ZNF536: variants seen among roughly 807,000 people sequenced by gnomAD.
ZNF536 encodes the protein zinc finger protein 536.
A neutral mutation model predicts 84.5 loss-of-function variants in ZNF536; 13 were observed. That is an observed-to-expected ratio of 0.15 (90% CI 0.10 to 0.24). The LOEUF is 0.24. Among genes scored for constraint, ZNF536 ranks in the 10% least tolerant of loss-of-function variants. ZNF536 has a pLI of 1.00. For missense variants in ZNF536, 1,536 were observed against 1,747.5 expected (o/e 0.88, Z 2.16); for synonymous variants, 811 against 742.5 (o/e 1.09, Z -1.50).
chr19:30,343,083 C>T (rs745693650), intron 2 of ZNF536, among the ~76,000 whole-genome samples: 12 of 152,076 alleles, frequency 7.9e-5, no homozygotes, highest in Admixed American at 2.6e-4. Context: ...ACCCTCGGCC[C>T]GGTGGGGACA....
chr19:30,464,351 C>A lies in ZNF536; in HGVS notation c.2170+18619C>A, dbSNP rs536058595. Among the ~76,000 whole-genome samples, 84 of 152,322 alleles carry A rather than the reference C, an allele frequency of 5.5e-4. 1 individual carries two copies. The highest frequency in any genetic ancestry group is 2.0e-3 in the African/African-American group (82 of 41,574). On this transcript the variant is annotated intron_variant, in intron 2 of 4. Coordinates refer to ENST00000355537, the MANE Select transcript of ZNF536 (RefSeq NM_014717.3). Reference sequence around the variant, plus strand: ...GGGGTGTCGACCAGAGCCTGGGGACCAGACGGCGCTGGGCCCTCGAGGGGT... The same window carrying A: ...GGGGTGTCGACCAGAGCCTGGGGACAAGACGGCGCTGGGCCCTCGAGGGGT...
Position 30,404,427 on chromosome 19 carries a change from C to T in ZNF536, c.-3+31871C>T, listed in dbSNP as rs1457506420. Among the ~76,000 whole-genome samples, 4 of 152,310 alleles carry T rather than the reference C, an allele frequency of 2.6e-5. No individual in the cohort carries two copies. In the East Asian group the frequency reaches 5.8e-4, roughly 22 times the overall value. On this transcript the variant is annotated intron_variant, in intron 1 of 4. Transcript: ENST00000355537. ...CAGTGAGGCGCATGGCATGTGGAGA[C>T]AGGCAGTCTGGGGTTCAGTCCCAGC...
chr19:30,561,736 C>T (rs2046176007), downstream of ZNF536, among the ~76,000 whole-genome samples: 1 of 152,214 alleles, frequency 6.6e-6, no homozygotes, highest in South Asian at 2.1e-4. Flanking sequence ...ACCAGCTTTT[C>T]CTCTCCCAGC....
At chr19:30,526,256 AG>A (rs1197454740) in intron 2 of ZNF536, among the ~76,000 whole-genome samples, 1 of 152,286 alleles carries the variant, frequency 6.6e-6, no homozygotes, top group South Asian at 2.1e-4. Context: ...CTGGGGACTG[AG>A]AGTACCTGCC....
At chr19:30,381,567 G>A (rs1049329261) in intron 1 of ZNF536, among the ~76,000 whole-genome samples, 2 of 152,202 alleles carry the variant, frequency 1.3e-5, no homozygotes, top group Non-Finnish European at 2.9e-5. Context: ...GGCCTGGCAC[G>A]CTGGAGGATT....
chr19:30,484,449 G>A (rs2054215942), intron 2 of ZNF536, among the ~76,000 whole-genome samples: 1 of 147,638 alleles, frequency 6.8e-6, no homozygotes, highest in South Asian at 2.2e-4. Flanking sequence ...TGTTGGCCAG[G>A]ATGGTCTCAA....
intron 1 of ZNF536, among the ~76,000 whole-genome samples, chr19:30,565,712 A>G (rs543305444): frequency 6.6e-6 from 1 of 152,210 alleles, no homozygotes; most frequent in Admixed American, 6.5e-5. Context: ...ACCTTCTGTC[A>G]TCTCCAATGC....
At chr19:30,701,191 T>A (rs868208895) in intron 1 of ZNF536, among the ~76,000 whole-genome samples, 2,292 of 150,008 alleles carry the variant, frequency 0.015, 32 homozygotes, top group South Asian at 0.03. Context: ...TATCTCACTC[T>A]CACACACACA....
intron 1 of ZNF536, among the ~76,000 whole-genome samples, chr19:30,566,440 G>C (rs2046348811): frequency 6.6e-6 from 1 of 152,250 alleles, no homozygotes; most frequent in South Asian, 2.1e-4. Flanking sequence ...ACAGATGAGA[G>C]TACAAATTAG....
intron 2 of ZNF536, among the ~76,000 whole-genome samples, chr19:30,482,495 G>C (rs1214011538): frequency 1.3e-5 from 2 of 151,722 alleles, no homozygotes; most frequent in East Asian, 1.9e-4. Flanking sequence ...CACACACCTA[G>C]GATTTTGAGA....
At chr19:30,276,469 A>G (rs1189019656) in intron 1 of ZNF536, among the ~76,000 whole-genome samples, 1 of 152,176 alleles carries the variant, frequency 6.6e-6, no homozygotes, top group Non-Finnish European at 1.5e-5. Context: ...CTATTAAGAG[A>G]ACAAAATGCT....
chr19:30,599,704 G>A (rs2047613612), intron 1 of ZNF536, among the ~76,000 whole-genome samples: 1 of 152,114 alleles, frequency 6.6e-6, no homozygotes, highest in African/African-American at 2.4e-5. Context: ...AGAGTTACAA[G>A]TGCAGCAATG....
intron 2 of ZNF536, among the ~76,000 whole-genome samples, chr19:30,530,779 T>C (rs1323893850): frequency 6.6e-6 from 1 of 151,626 alleles, no homozygotes; most frequent in African/African-American, 2.4e-5. Context: ...GACTCCCTCC[T>C]GCAGTTTGCA....
At chr19:30,285,081 G>A (rs1415507677) in intron 2 of ZNF536, among the ~76,000 whole-genome samples, 1 of 152,098 alleles carries the variant, frequency 6.6e-6, no homozygotes, top group Non-Finnish European at 1.5e-5. Flanking sequence ...TTTTCAGTGG[G>A]GCTGTCAGTG....
intron 1 of ZNF536, among the ~76,000 whole-genome samples, chr19:30,629,448 G>A (rs926396258): frequency 2.0e-5 from 3 of 152,022 alleles, no homozygotes; most frequent in East Asian, 1.9e-4. Context: ...CACCCACCTC[G>A]GCCTCCCAAA....
intron 1 of ZNF536, among the ~76,000 whole-genome samples, chr19:30,680,456 T>C (rs1265097722): frequency 7.6e-6 from 1 of 130,830 alleles, no homozygotes; most frequent in East Asian, 2.3e-4. Flanking sequence ...CCTGTGTCCA[T>C]GTGTTCTCAT....
At chr19:30,390,218 G>A (rs1218703274) in intron 1 of ZNF536, among the ~76,000 whole-genome samples, 1 of 152,130 alleles carries the variant, frequency 6.6e-6, no homozygotes, top group Admixed American at 6.6e-5. Context: ...CTGCTAATTT[G>A]CTTTTTTTCC....
chr19:30,456,303 CT>C (rs1427610802), intron 2 of ZNF536, among the ~76,000 whole-genome samples: 2 of 114,096 alleles, frequency 1.8e-5, no homozygotes, highest in East Asian at 2.5e-4. Flanking sequence ...GGACTTGTTT[CT>C]TTTCTTTTTT....
chr19:30,285,392 G>A (rs1288677061), intron 2 of ZNF536, among the ~76,000 whole-genome samples: 1 of 152,150 alleles, frequency 6.6e-6, no homozygotes, highest in Non-Finnish European at 1.5e-5. Flanking sequence ...CCAGTGATCT[G>A]TCAGAGAGAT....
Sources: allele counts gnomAD v4.1 joint callset (sites outside exome capture counted in the v4.1 genomes callset), GRCh38; gene constraint gnomAD v4.1.1; transcripts MANE v1.5; gene names NCBI Gene and HGNC (gene_info 2026-07-23, HGNC 2026-07-21).